The following HLTF variants were observed in gnomAD, a reference collection of about 807,000 sequenced individuals.
HLTF encodes the protein DNA-dependent ATPase/E3 ubiquitin-protein ligase HLTF.
A neutral mutation model predicts 129.4 loss-of-function variants in HLTF; 127 were observed. The observed-to-expected ratio is 0.98, with a 90% confidence interval of 0.85 to 1.14. The LOEUF (loss-of-function observed/expected upper bound fraction) is 1.14, where lower values mean the gene tolerates loss of function less well. HLTF is among the 50% of genes most tolerant of loss of function. The pLI, the probability that HLTF is intolerant of heterozygous loss-of-function variation, is 0.00. For synonymous variants in HLTF, 332 were observed against 388.8 expected (o/e 0.85, Z 1.72); for missense variants, 1,139 against 1,187.1 (o/e 0.96, Z 0.60).
At chr3:149,046,473 C>T (rs1716557374) in intron 17 of HLTF, among the ~76,000 whole-genome samples, 1 of 152,088 alleles carries the variant, frequency 6.6e-6, no homozygotes, top group Non-Finnish European at 1.5e-5. Flanking sequence ...AATTTCCCCT[C>T]AATACCTAAC....
intron 2 of HLTF, among the ~76,000 whole-genome samples, chr3:149,077,230 G>T (rs974048246): frequency 6.6e-6 from 1 of 150,842 alleles, no homozygotes; most frequent in Non-Finnish European, 1.5e-5. Flanking sequence ...CCTGGTGACA[G>T]AGCGAGACTT....
chr3:149,050,664 T>C (rs1355879887), intron 14 of HLTF, among the ~76,000 whole-genome samples: 1 of 152,196 alleles, frequency 6.6e-6, no homozygotes, highest in African/African-American at 2.4e-5. Context: ...TATAAAAATA[T>C]TTTAATTAGA....
chr3:149,043,920 CT>C (rs1300934882), intron 18 of HLTF, among the ~76,000 whole-genome samples: 1 of 152,138 alleles, frequency 6.6e-6, no homozygotes, highest in Admixed American at 6.6e-5. Flanking sequence ...AGTGCCTGGA[CT>C]ATATTAAGTG....
chr3:149,068,221 G>T lies in HLTF; in HGVS notation c.990+19C>A. 2 of 1,019,634 alleles carry T rather than the reference G, an allele frequency of 2.0e-6. No homozygotes were observed. Among genetic ancestry groups the T allele is most frequent in the Non-Finnish European group, 3.0e-6 (2 of 674,768 alleles). The allele number at this position is 1,019,634 out of a possible 1,614,324, so 63.2% of individuals were successfully genotyped here. A position where few individuals can be genotyped will look rare whatever the true frequency, so the allele number is the denominator to read the frequency against. ...ATAAACTGGAGGTTTCACATAAAGC[G>T]CACTTACTACTACTTTACCTTCTTC... is the stretch of plus-strand genomic sequence containing the variant. On this transcript the variant is annotated intron_variant, in intron 8 of 24. Coordinates refer to ENST00000310053, the MANE Select transcript of HLTF (RefSeq NM_003071.4).
Position 149,041,588 on chromosome 3 carries a change from A to T in HLTF, c.2278T>A (p.Cys760Ser). ...GTTAAAGAATCCAGGCAAATTGCAC[A>T]TTCCTCATCTGAACCTGAGCTCAGA... ...LILSSGSDEE[C>S]AICLDSLTVP... The change falls in exon 20 of 25, where the codon TGT (cysteine) becomes AGT (serine). Residue 760 changes from cysteine to serine, a missense_variant. Cys to Ser is a moderately radical substitution (Grantham distance 112, BLOSUM62 -1). Coordinates refer to ENST00000310053, the MANE Select transcript of HLTF (RefSeq NM_003071.4). The T allele has an allele frequency of 6.2e-7, 1 of 1,612,256 alleles. No individual in the cohort carries two copies. Among genetic ancestry groups the T allele is most frequent in the Non-Finnish European group, 8.5e-7 (1 of 1,178,412 alleles).
At chr3:149,068,998 TA>T (rs1453274625) in intron 7 of HLTF, among the ~76,000 whole-genome samples, 3 of 152,128 alleles carry the variant, frequency 2.0e-5, no homozygotes, top group Non-Finnish European at 4.4e-5. Context: ...AAACTGTTTT[TA>T]TAATACTACT....
chr3:149,047,975 A>T, intron 17 of HLTF, 53 bp downstream of exon 17: 1 of 1,448,520 alleles, frequency 6.9e-7, no homozygotes, highest in Non-Finnish European at 9.3e-7. Context: ...AACTGGTTCA[A>T]GCTACTAACA....
At chr3:149,051,479 C>T (rs1576590425) in intron 14 of HLTF, among the ~76,000 whole-genome samples, 1 of 152,094 alleles carries the variant, frequency 6.6e-6, no homozygotes. Context: ...AGTGAGCAAA[C>T]GTTAGGGACA....
At chr3:149,060,394 G>A (rs1478570479) in intron 12 of HLTF, among the ~76,000 whole-genome samples, 1 of 152,072 alleles carries the variant, frequency 6.6e-6, no homozygotes, top group East Asian at 1.9e-4. Context: ...ATAGGTAGTA[G>A]AAAATTGTTT....
chr3:149,049,784 G>C (rs1040732294), intron 15 of HLTF, among the ~76,000 whole-genome samples: 3 of 152,182 alleles, frequency 2.0e-5, no homozygotes, highest in African/African-American at 7.2e-5. Context: ...CCTGAGGTCA[G>C]GAGTTCAAGA....
intron 24 of HLTF, among the ~76,000 whole-genome samples, chr3:149,034,620 T>A (rs562752669): frequency 1.8e-4 from 27 of 152,326 alleles, no homozygotes; most frequent in African/African-American, 6.5e-4. Flanking sequence ...CTAAATGTAC[T>A]TATGAGGTAG....
At chr3:149,035,317 G>T (rs1012966200) in intron 23 of HLTF, among the ~76,000 whole-genome samples, 1 of 151,676 alleles carries the variant, frequency 6.6e-6, no homozygotes, top group African/African-American at 2.4e-5. Flanking sequence ...GTGCTTAACA[G>T]CAGAAAAAGG....
At chr3:149,048,446 A>G (rs1716730814) in intron 16 of HLTF, among the ~76,000 whole-genome samples, 2 of 152,218 alleles carry the variant, frequency 1.3e-5, no homozygotes, top group South Asian at 4.1e-4. Flanking sequence ...CTGCTTATTT[A>G]GTTTTTAAAG....
intron 9 of HLTF, 57 bp from the exon 10 acceptor site, chr3:149,063,581 A>G: frequency 4.9e-6 from 5 of 1,016,328 alleles, no homozygotes; most frequent in Non-Finnish European, 6.2e-6. Flanking sequence ...AGAAACTAGT[A>G]TTATCCCTCT....
chr3:149,076,591 G>A (rs1175746688), intron 2 of HLTF, among the ~76,000 whole-genome samples: 1 of 152,130 alleles, frequency 6.6e-6, no homozygotes, highest in African/African-American at 2.4e-5. Flanking sequence ...GAATATAAAA[G>A]TCAGGGAATA....
chr3:149,051,370 T>C (rs539598499), intron 14 of HLTF, among the ~76,000 whole-genome samples: 30 of 152,176 alleles, frequency 2.0e-4, no homozygotes, highest in Admixed American at 1.9e-3. Context: ...TAATTACCTA[T>C]AGATAGAAGT....
At chr3:149,069,114 G>T (rs564872912) in intron 7 of HLTF, among the ~76,000 whole-genome samples, 13 of 152,168 alleles carry the variant, frequency 8.5e-5, no homozygotes, top group African/African-American at 3.1e-4. Flanking sequence ...TGGCACTAAG[G>T]TATATTAGTA....
At chr3:149,044,540 G>A (rs1240398706) in intron 18 of HLTF, among the ~76,000 whole-genome samples, 6 of 151,898 alleles carry the variant, frequency 4.0e-5, no homozygotes, top group Non-Finnish European at 8.8e-5. Context: ...TGATCTCATG[G>A]CTTTAATTAC....
intron 14 of HLTF, among the ~76,000 whole-genome samples, chr3:149,054,473 C>T (rs573346892): frequency 5.6e-4 from 85 of 152,160 alleles, no homozygotes; most frequent in African/African-American, 2.0e-3. Flanking sequence ...CCTCCTCTGA[C>T]ATAAGAAGAA....
Sources: gnomAD v4.1 joint callset for allele counts (sites outside exome capture counted in the v4.1 genomes callset) on GRCh38, gnomAD v4.1.1 for gene constraint, MANE v1.5 for transcripts, NCBI Gene and HGNC (gene_info 2026-07-23, HGNC 2026-07-21) for gene names.